Variants in TNR observed in about 807,000 individuals in gnomAD.
TNR encodes tenascin R.
A neutral mutation model predicts 150.4 loss-of-function variants in TNR; 45 were observed. That is an observed-to-expected ratio of 0.30 (90% CI 0.24 to 0.38). The LOEUF is 0.38. Among genes scored for constraint, TNR ranks in the 10% least tolerant of loss-of-function variants. The pLI, the probability that TNR is intolerant of heterozygous loss-of-function variation, is 1.00. For synonymous variants in TNR, 687 were observed against 678.4 expected, an observed-to-expected ratio of 1.01 and a Z score of -0.20; for missense variants, 1,544 against 1,759.1, an observed-to-expected ratio of 0.88 and a Z score of 2.19.
intron 1 of TNR, among the ~76,000 whole-genome samples, chr1:175,585,773 TTC>T (rs900229388): frequency 6.6e-6 from 1 of 152,182 alleles, no homozygotes; most frequent in African/African-American, 2.4e-5. Flanking sequence ...CCTTCCTTCC[TTC>T]TCTCTTTCTC....
intron 19 of TNR, among the ~76,000 whole-genome samples, chr1:175,336,883 CTGTT>C (rs1650277969): frequency 6.6e-6 from 1 of 152,254 alleles, no homozygotes; most frequent in East Asian, 1.9e-4. Flanking sequence ...CCTCAACTGC[CTGTT>C]TGTTTGCTTG....
At chr1:175,600,170 G>C (rs1331207661) in intron 1 of TNR, among the ~76,000 whole-genome samples, 2 of 152,126 alleles carry the variant, frequency 1.3e-5, no homozygotes, top group African/African-American at 4.8e-5. Context: ...GAGAAGTTCT[G>C]CATTTGTACA....
chr1:175,570,770 A>C (rs866969100), intron 1 of TNR, among the ~76,000 whole-genome samples: 1 of 152,006 alleles, frequency 6.6e-6, no homozygotes. Flanking sequence ...ATCAAAATTA[A>C]ATTGCATTCC....
intron 1 of TNR, among the ~76,000 whole-genome samples, chr1:175,637,069 A>G (rs1664510513): frequency 6.6e-6 from 1 of 152,224 alleles, no homozygotes; most frequent in African/African-American, 2.4e-5. Flanking sequence ...TTTGCTTGCA[A>G]TATCAGCCAG....
chr1:175,733,167 T>C (rs1023503518), intron 1 of TNR, among the ~76,000 whole-genome samples: 6 of 152,222 alleles, frequency 3.9e-5, no homozygotes, highest in African/African-American at 1.4e-4. Flanking sequence ...TTTAGCAATA[T>C]TTGACCTTAA....
intron 1 of TNR, among the ~76,000 whole-genome samples, chr1:175,690,232 G>A (rs1666320800): frequency 6.6e-6 from 1 of 152,190 alleles, no homozygotes; most frequent in African/African-American, 2.4e-5. Flanking sequence ...TACGTGTGGG[G>A]TACTGTTATA....
chr1:175,492,797 T>C (rs1361433566), intron 2 of TNR, among the ~76,000 whole-genome samples: 2 of 152,168 alleles, frequency 1.3e-5, no homozygotes, highest in Non-Finnish European at 2.9e-5. Context: ...GAGTGATTAG[T>C]ACATGGGGTT....
chr1:175,710,750 CCCTTCTATTTA>C (rs1381438623), intron 1 of TNR, among the ~76,000 whole-genome samples: 8 of 152,252 alleles, frequency 5.3e-5, no homozygotes, highest in Admixed American at 3.3e-4. Flanking sequence ...CTCACTCACT[CCCTTCTATTTA>C]CCTTTCTCAT....
intron 1 of TNR, among the ~76,000 whole-genome samples, chr1:175,564,238 G>T (rs532401923): frequency 5.9e-5 from 9 of 152,224 alleles, no homozygotes; most frequent in African/African-American, 2.2e-4. Context: ...AGGCCCTGGG[G>T]CCTCCCTCCT....
rs531631051 is a variant in TNR at position 175,461,846 on chromosome 1, C to T, written c.-63-55069G>A. Among the ~76,000 whole-genome samples the T allele has an allele frequency of 1.4e-3, 212 of 152,328 alleles. No individual in the cohort carries two copies. The Middle Eastern group carries it at 0.031, about 22-fold the overall frequency. On this transcript the variant is annotated intron_variant, in intron 2 of 22. Transcript: ENST00000367674. ...CGGTTTGTCCTTGCCTTTGCTTTTTCTCTTCTATCCTTTGCAGGGAGGTGT... is the reference window on the plus strand; with the variant it reads ...CGGTTTGTCCTTGCCTTTGCTTTTTTTCTTCTATCCTTTGCAGGGAGGTGT...
chr1:175,358,376 A>G (rs1428782217), intron 15 of TNR, among the ~76,000 whole-genome samples: 3 of 152,254 alleles, frequency 2.0e-5, no homozygotes, highest in Non-Finnish European at 4.4e-5. Context: ...AGGTTTGCCA[A>G]TGAAAACAAA....
rs115294168 is a variant in TNR, at chr1:175,716,528, A to G, written c.-165+26698T>C. On this transcript the variant is annotated intron_variant, in intron 1 of 22. Coordinates refer to ENST00000367674, the MANE Select transcript of TNR (RefSeq NM_003285.3). ...TGCCCAACCCTCTCTTTCTGTTCCCATTTTCACCTCCTTTATTCAGATCCT... is the reference window on the plus strand; with the variant it reads ...TGCCCAACCCTCTCTTTCTGTTCCCGTTTTCACCTCCTTTATTCAGATCCT... 2.4e-3 allele frequency among the ~76,000 whole-genome samples: 365 copies of G among 151,798 alleles called. 1 individual carries two copies. Among genetic ancestry groups the G allele is most frequent in the African/African-American group, 8.5e-3 (352 of 41,356 alleles).
chr1:175,704,740 G>T (rs913432776), intron 1 of TNR, among the ~76,000 whole-genome samples: 29 of 152,206 alleles, frequency 1.9e-4, no homozygotes, highest in African/African-American at 6.5e-4. Flanking sequence ...CACCTGGAGG[G>T]AGCTTGATTT....
intron 1 of TNR, among the ~76,000 whole-genome samples, chr1:175,584,407 A>G (rs1335445575): frequency 1.3e-5 from 2 of 152,182 alleles, no homozygotes; most frequent in East Asian, 3.9e-4. Context: ...AGACATCAGA[A>G]AGAGCATGGG....
At chr1:175,477,211 A>C (rs896767584) in intron 2 of TNR, among the ~76,000 whole-genome samples, 4 of 152,222 alleles carry the variant, frequency 2.6e-5, no homozygotes, top group African/African-American at 9.6e-5. Flanking sequence ...ATAGTTATTC[A>C]CAGAGAAGCT....
At chr1:175,343,408 T>C (rs1650622017) in intron 18 of TNR, among the ~76,000 whole-genome samples, 1 of 152,158 alleles carries the variant, frequency 6.6e-6, no homozygotes, top group African/African-American at 2.4e-5. Flanking sequence ...AGGTCTCAGG[T>C]AAAGAGACAC....
At position 175,643,530 on chromosome 1, in the gene TNR, C is replaced by T. The variant is rs540187195; in HGVS notation, c.-165+99696G>A. The stretch of plus-strand genomic sequence containing the variant: ...GGACAATGCCTTTAAAATATGTATA[C>T]TATGCAAAGACAAGACGCTGTTATT... On this transcript the variant is annotated intron_variant, in intron 1 of 22. Transcript: ENST00000367674. Among the ~76,000 whole-genome samples the T allele has an allele frequency of 7.2e-5, 11 of 152,134 alleles. No individual in the cohort carries two copies. The South Asian group carries it at 2.3e-3, about 32-fold the overall frequency.
At chr1:175,708,224 G>T (rs1389817481) in intron 1 of TNR, among the ~76,000 whole-genome samples, 1 of 152,190 alleles carries the variant, frequency 6.6e-6, no homozygotes, top group African/African-American at 2.4e-5. Context: ...GGTGAGAACT[G>T]CTTTGGCCTT....
At chr1:175,412,057 C>T (rs966582038) in intron 2 of TNR, among the ~76,000 whole-genome samples, 13 of 152,102 alleles carry the variant, frequency 8.5e-5, no homozygotes, top group African/African-American at 3.1e-4. Context: ...CAGCAGGGCC[C>T]TATGGTGATT....
Sources: allele counts gnomAD v4.1 joint callset (sites outside exome capture counted in the v4.1 genomes callset), GRCh38; gene constraint gnomAD v4.1.1; transcripts MANE v1.5; gene names NCBI Gene and HGNC (gene_info 2026-07-23, HGNC 2026-07-21).